ANKRD50: variants seen among roughly 807,000 people sequenced by gnomAD.
ANKRD50 encodes ankyrin repeat domain-containing protein 50.
In ANKRD50, 40 loss-of-function variants were observed where a neutral mutation model predicts 112.0. That is an observed-to-expected ratio of 0.36 (90% CI 0.28 to 0.46). The LOEUF (loss-of-function observed/expected upper bound fraction) is 0.46. Among genes scored for constraint, ANKRD50 ranks in the 20% least tolerant of loss-of-function variants. The probability of loss-of-function intolerance (pLI) is 1.00; values close to 1 mark genes in which losing one functional copy is unlikely to be tolerated. For missense variants in ANKRD50, 1,487 were observed against 1,701.7 expected (o/e 0.87, Z 2.22); for synonymous variants, 613 against 619.1 (o/e 0.99, Z 0.15).
At chr4:124,686,128 A>C (rs1725002800) in intron 2 of ANKRD50, among the ~76,000 whole-genome samples, 1 of 152,196 alleles carries the variant, frequency 6.6e-6, no homozygotes, top group South Asian at 2.1e-4. Flanking sequence ...GGAGATTAAT[A>C]AGCTTTTAAA....
intron 2 of ANKRD50, among the ~76,000 whole-genome samples, chr4:124,686,450 C>T (rs1316281518): frequency 6.6e-6 from 1 of 152,140 alleles, no homozygotes; most frequent in Non-Finnish European, 1.5e-5. Context: ...GGTTTAAAAA[C>T]TACAGCAACC....
chr4:124,701,767 C>G (rs1400051154), intron 2 of ANKRD50, among the ~76,000 whole-genome samples: 13 of 151,896 alleles, frequency 8.6e-5, no homozygotes, highest in Non-Finnish European at 1.9e-4. Context: ...TTCAAGTGAT[C>G]CTTCCACCTC....
intron 3 of ANKRD50, among the ~76,000 whole-genome samples, chr4:124,674,060 C>T (rs1474647771): frequency 6.6e-6 from 1 of 151,874 alleles, no homozygotes. Flanking sequence ...GATGATTTGC[C>T]TCCAAATCTT....
At chr4:124,712,264 C>A (rs1167304314) in intron 1 of ANKRD50, among the ~76,000 whole-genome samples, 194 bp downstream of exon 1, 1 of 152,156 alleles carries the variant, frequency 6.6e-6, no homozygotes, top group Admixed American at 6.5e-5. Flanking sequence ...TCGGCTTCCG[C>A]CTCTGCGCTC....
chr4:124,692,859 T>A (rs1725168800), intron 2 of ANKRD50, among the ~76,000 whole-genome samples: 2 of 152,206 alleles, frequency 1.3e-5, no homozygotes, highest in African/African-American at 4.8e-5. Flanking sequence ...CTGTATGGAC[T>A]AAGACACAAA....
chr4:124,698,326 T>C (rs1354635071), intron 2 of ANKRD50, among the ~76,000 whole-genome samples: 1 of 152,098 alleles, frequency 6.6e-6, no homozygotes. Flanking sequence ...TTCCAGTAAA[T>C]GTGTAGATGT....
chr4:124,703,443 C>G (rs1725437172), intron 2 of ANKRD50, among the ~76,000 whole-genome samples: 1 of 152,010 alleles, frequency 6.6e-6, no homozygotes, highest in Non-Finnish European at 1.5e-5. Flanking sequence ...AAAAATGCAG[C>G]ATTTTTTTCA....
intron 2 of ANKRD50, among the ~76,000 whole-genome samples, chr4:124,693,657 T>G (rs1725185955): frequency 6.6e-6 from 1 of 152,164 alleles, no homozygotes; most frequent in Non-Finnish European, 1.5e-5. Context: ...ATCTGTATAT[T>G]TTTCCTACAT....
chr4:124,668,456 T>G (rs984881915), intron 4 of ANKRD50, among the ~76,000 whole-genome samples: 8 of 152,080 alleles, frequency 5.3e-5, no homozygotes, highest in African/African-American at 1.9e-4. Flanking sequence ...CAGACATTAT[T>G]GCATTCAAAC....
At chr4:124,674,124 T>G (rs2110510331) in intron 3 of ANKRD50, among the ~76,000 whole-genome samples, 1 of 152,092 alleles carries the variant, frequency 6.6e-6, no homozygotes, top group South Asian at 2.1e-4. Context: ...AAATTTAAGT[T>G]AGATAAGGGA....
chr4:124,678,890 A>G lies in ANKRD50; in HGVS notation c.528T>C (p.Pro176=). The change falls in exon 3 of 5, where the codon CCT becomes CCC. Residue 176 remains proline, a synonymous_variant. Coordinates refer to ENST00000504087, the MANE Select transcript of ANKRD50 (RefSeq NM_020337.3). The stretch of plus-strand genomic sequence containing the variant: ...GCTGGGGAGGCTTCATTCCCAGAAG[A>G]GGGAGTAGAACACACCTGTAAAACA... ...AEAFKRCVLL[P]LLGMKPPQQS... 1 of 1,611,976 alleles carries G rather than the reference A, an allele frequency of 6.2e-7. No individual in the cohort carries two copies. Among genetic ancestry groups the G allele is most frequent in the Non-Finnish European group, 8.5e-7 (1 of 1,178,162 alleles).
chr4:124,689,893 G>A (rs926165040), intron 2 of ANKRD50, among the ~76,000 whole-genome samples: 1 of 150,842 alleles, frequency 6.6e-6, no homozygotes, highest in African/African-American at 2.4e-5. Flanking sequence ...CCTTCATATA[G>A]GTTACTTTAT....
At chr4:124,700,643 T>C (rs928335098) in intron 2 of ANKRD50, among the ~76,000 whole-genome samples, 7 of 152,204 alleles carry the variant, frequency 4.6e-5, no homozygotes, top group Middle Eastern at 3.2e-3. Flanking sequence ...ATATTTAACT[T>C]CTGTATCGTT....
chr4:124,681,455 T>G (rs1238979611), intron 2 of ANKRD50, among the ~76,000 whole-genome samples: 1 of 152,126 alleles, frequency 6.6e-6, no homozygotes, highest in African/African-American at 2.4e-5. Flanking sequence ...TTTCAAGTAC[T>G]GTGTCTCAGG....
chr4:124,680,705 T>C (rs1303373167), intron 2 of ANKRD50, among the ~76,000 whole-genome samples: 1 of 152,108 alleles, frequency 6.6e-6, no homozygotes, highest in Non-Finnish European at 1.5e-5. Context: ...ACTTCAGATA[T>C]AGCACACAGG....
At chr4:124,690,332 T>G (rs1725106921) in intron 2 of ANKRD50, among the ~76,000 whole-genome samples, 3 of 152,186 alleles carry the variant, frequency 2.0e-5, no homozygotes, top group Admixed American at 6.5e-5. Context: ...AACACACAAT[T>G]ACCTCATTTC....
intron 2 of ANKRD50, among the ~76,000 whole-genome samples, chr4:124,708,847 A>C (rs1725565287): frequency 6.6e-6 from 1 of 152,026 alleles, no homozygotes; most frequent in African/African-American, 2.4e-5. Flanking sequence ...ACCTCACAGG[A>C]TTATTATGAG....
At chr4:124,709,880 T>G in intron 2 of ANKRD50, 120 bp downstream of exon 2, 6 of 1,385,476 alleles carry the variant, frequency 4.3e-6, no homozygotes, top group Non-Finnish European at 5.8e-6. Context: ...TAACTTCAGA[T>G]TAAGGCCAAA....
Position 124,678,869 on chromosome 4 carries a change from G to C in ANKRD50, c.549C>G (p.Pro183=). 2 of 1,613,620 alleles carry C rather than the reference G, an allele frequency of 1.2e-6. No homozygotes were observed. The highest frequency in any genetic ancestry group is 1.1e-5 in the South Asian group (1 of 91,064). The change falls in exon 3 of 5, where the codon CCC becomes CCG. Residue 183 remains proline, a synonymous_variant. Transcript: ENST00000504087. ...VLLPLLGMKP[P]QQSLYLLVDS... is the part of the protein sequence containing the mutation. Reference sequence around the variant, plus strand: ...CAACAAGCAGGTATAGGCTTTGCTGGGGAGGCTTCATTCCCAGAAGAGGGA... The same window carrying C: ...CAACAAGCAGGTATAGGCTTTGCTGCGGAGGCTTCATTCCCAGAAGAGGGA...
Sources: allele counts gnomAD v4.1 joint callset (sites outside exome capture counted in the v4.1 genomes callset), GRCh38; gene constraint gnomAD v4.1.1; transcripts MANE v1.5; gene names NCBI Gene and HGNC (gene_info 2026-07-23, HGNC 2026-07-21).